DCC: variants seen among roughly 807,000 people sequenced by gnomAD.
DCC encodes the protein DCC netrin 1 receptor, also known as netrin receptor DCC.
Under a neutral mutation model 172.5 loss-of-function variants are expected in DCC, and 58 were observed. The ratio of observed to expected loss-of-function variants is 0.34; its 90% confidence interval spans 0.27 to 0.42. The LOEUF is 0.42. Among genes scored for constraint, DCC ranks in the 10% least tolerant of loss-of-function variants. The pLI, the probability that DCC is intolerant of heterozygous loss-of-function variation, is 1.00. For synonymous variants in DCC, 709 were observed against 644.5 expected (o/e 1.10, Z -1.52); for missense variants, 1,740 against 1,791.0 (o/e 0.97, Z 0.51).
chr18:53,019,485 AC>A (rs2041850516), intron 5 of DCC, among the ~76,000 whole-genome samples: 1 of 152,066 alleles, frequency 6.6e-6, no homozygotes, highest in African/African-American at 2.4e-5. Flanking sequence ...ATCCAGGCAA[AC>A]TTTTTATTCC....
chr18:52,661,301 C>T (rs956294), intron 1 of DCC, among the ~76,000 whole-genome samples: 1 of 152,148 alleles, frequency 6.6e-6, no homozygotes, highest in South Asian at 2.1e-4. Flanking sequence ...GACCTACAGA[C>T]TCTCCCTGGT....
At chr18:52,684,034 T>A (rs2035790378) in intron 1 of DCC, among the ~76,000 whole-genome samples, 1 of 152,094 alleles carries the variant, frequency 6.6e-6, no homozygotes, top group Non-Finnish European at 1.5e-5. Context: ...CTAACAGGAG[T>A]TATACCATCC....
At chr18:53,234,772 T>A (rs1480883322) in intron 12 of DCC, among the ~76,000 whole-genome samples, 3 of 152,208 alleles carry the variant, frequency 2.0e-5, no homozygotes, top group Non-Finnish European at 2.9e-5. Flanking sequence ...GGAACACACA[T>A]GTGGATTCTC....
chr18:52,641,781 C>T (rs1209805448), intron 1 of DCC, among the ~76,000 whole-genome samples: 3 of 151,914 alleles, frequency 2.0e-5, no homozygotes, highest in Non-Finnish European at 2.9e-5. Flanking sequence ...TGTAAACTAG[C>T]ACAGCCGCCA....
intron 5 of DCC, among the ~76,000 whole-genome samples, chr18:53,036,436 C>T (rs2042093280): frequency 6.6e-6 from 1 of 151,996 alleles, no homozygotes. Flanking sequence ...CAAATACCTA[C>T]CAGTTACATT....
chr18:52,922,398 T>C (rs2040140305), intron 3 of DCC, among the ~76,000 whole-genome samples: 1 of 152,182 alleles, frequency 6.6e-6, no homozygotes, highest in East Asian at 1.9e-4. Context: ...ATATGTCCTA[T>C]GTCCCCTCCC....
At chr18:53,320,614 C>G (rs2057400081) in intron 13 of DCC, among the ~76,000 whole-genome samples, 1 of 152,176 alleles carries the variant, frequency 6.6e-6, no homozygotes, top group Non-Finnish European at 1.5e-5. Flanking sequence ...CACGAGCCTA[C>G]TTAAGGAATG....
intron 2 of DCC, among the ~76,000 whole-genome samples, chr18:52,846,867 T>C (rs1393190566): frequency 1.3e-5 from 2 of 151,904 alleles, no homozygotes; most frequent in Non-Finnish European, 2.9e-5. Context: ...GTGCAAGAAG[T>C]GGATGGTTCA....
chr18:52,362,800 C>A (rs1188023462), intron 1 of DCC, among the ~76,000 whole-genome samples: 1 of 152,108 alleles, frequency 6.6e-6, no homozygotes, highest in African/African-American at 2.4e-5. Context: ...CTCCCCTCCT[C>A]CCTCCATAAA....
chr18:53,131,592 G>T (rs558296862), intron 7 of DCC, among the ~76,000 whole-genome samples: 14 of 152,148 alleles, frequency 9.2e-5, no homozygotes, highest in African/African-American at 3.4e-4. Flanking sequence ...AAAATTTCCC[G>T]CATATATCAG....
chr18:53,302,556 T>A (rs1008635125), intron 12 of DCC, among the ~76,000 whole-genome samples: 2 of 152,150 alleles, frequency 1.3e-5, no homozygotes, highest in Non-Finnish European at 2.9e-5. Flanking sequence ...TTTTAAATAT[T>A]TTTTTTTCAG....
At chr18:52,508,099 CAA>C (rs11308825) in intron 1 of DCC, among the ~76,000 whole-genome samples, 42 of 148,170 alleles carry the variant, frequency 2.8e-4, no homozygotes, top group Non-Finnish European at 4.2e-4. Context: ...GACTCTGTCT[CAA>C]AAAAAAAAAA....
At chr18:52,927,966 G>A (rs905382876) in intron 5 of DCC, among the ~76,000 whole-genome samples, 5 of 151,956 alleles carry the variant, frequency 3.3e-5, no homozygotes, top group Admixed American at 6.6e-5. Context: ...ACATACATGC[G>A]TATGTTCATT....
At position 52,340,877 on chromosome 18, in the gene DCC, C is replaced by A; in HGVS notation, c.90C>A (p.Thr30=). 1 of 1,610,668 alleles carries A rather than the reference C, an allele frequency of 6.2e-7. No homozygotes were observed. The highest frequency in any genetic ancestry group is 8.5e-7 in the Non-Finnish European group (1 of 1,176,900). ...ASLFSAHLQV[T]GFQIKAFTAL... is the part of the protein sequence containing the mutation. ...TGTTCAGCGCGCATCTTCAAGTAACCGGTAAGTGGCTCTTTCCTTTCTTCT... is the reference window on the plus strand; with the variant it reads ...TGTTCAGCGCGCATCTTCAAGTAACAGGTAAGTGGCTCTTTCCTTTCTTCT... The change falls in exon 1 of 29, where the codon ACC becomes ACA. Residue 30 remains threonine, a splice_region_variant and synonymous_variant. Coordinates refer to ENST00000442544, the MANE Select transcript of DCC (RefSeq NM_005215.4).
chr18:53,227,337 A>G (rs536802438), intron 12 of DCC, among the ~76,000 whole-genome samples: 22 of 152,262 alleles, frequency 1.4e-4, no homozygotes, highest in Non-Finnish European at 2.9e-4. Context: ...TAATCTCATC[A>G]AATGTCCACC....
At chr18:52,446,126 G>A (rs1241731575) in intron 1 of DCC, among the ~76,000 whole-genome samples, 2 of 152,022 alleles carry the variant, frequency 1.3e-5, no homozygotes, top group East Asian at 3.9e-4. Flanking sequence ...GTAGAGACGG[G>A]GTTTCACCGT....
At chr18:52,392,047 G>A (rs753167180) in intron 1 of DCC, among the ~76,000 whole-genome samples, 5 of 152,280 alleles carry the variant, frequency 3.3e-5, no homozygotes, top group Admixed American at 6.5e-5. Flanking sequence ...TCAAATCTGC[G>A]TTATGAGGCG....
intron 7 of DCC, among the ~76,000 whole-genome samples, chr18:53,127,038 C>G (rs2043568075): frequency 6.6e-6 from 1 of 151,648 alleles, no homozygotes; most frequent in Non-Finnish European, 1.5e-5. Context: ...CTCTTTCAGA[C>G]TGAACACATA....
intron 5 of DCC, among the ~76,000 whole-genome samples, chr18:52,944,735 C>T (rs1440869769): frequency 6.6e-6 from 1 of 152,172 alleles, no homozygotes; most frequent in Non-Finnish European, 1.5e-5. Flanking sequence ...AATCAGCAAT[C>T]TGTTTCATCT....
Sources: allele counts gnomAD v4.1 joint callset (sites outside exome capture counted in the v4.1 genomes callset), GRCh38; gene constraint gnomAD v4.1.1; transcripts MANE v1.5; gene names NCBI Gene and HGNC (gene_info 2026-07-23, HGNC 2026-07-21).